PNKD: variants seen among roughly 807,000 people sequenced by gnomAD.
The protein encoded by PNKD is probable thioesterase PNKD.
A neutral mutation model predicts 45.3 loss-of-function variants in PNKD; 36 were observed. The observed-to-expected ratio is 0.80, with a 90% confidence interval of 0.61 to 1.05. PNKD has a LOEUF of 1.05. PNKD is among the 50% of genes least tolerant of loss of function. The pLI, the probability that PNKD is intolerant of heterozygous loss-of-function variation, is 0.00. For synonymous variants in PNKD, 197 were observed against 210.1 expected (o/e 0.94, Z 0.54); for missense variants, 511 against 506.6 (o/e 1.01, Z -0.08).
At chr2:218,343,932 C>T (rs990139597) in intron 8 of PNKD, among the ~76,000 whole-genome samples, 1 of 152,238 alleles carries the variant, frequency 6.6e-6, no homozygotes, top group African/African-American at 2.4e-5. Context: ...GTCAGTAAAT[C>T]CACTCTGCAT....
At chr2:218,307,944 A>ATT (rs1321876049) in intron 2 of PNKD, among the ~76,000 whole-genome samples, 1 of 152,162 alleles carries the variant, frequency 6.6e-6, no homozygotes, top group African/African-American at 2.4e-5. Context: ...ACAGCGCCAA[A>ATT]TTAGGATGGA....
chr2:218,293,779 G>T (rs112511271), intron 2 of PNKD, among the ~76,000 whole-genome samples: 1 of 148,854 alleles, frequency 6.7e-6, no homozygotes, highest in Non-Finnish European at 1.5e-5. Context: ...TGTTTTGTTT[G>T]GTTTGTTTGT....
chr2:218,284,564 T>C (rs1425568814), intron 2 of PNKD, among the ~76,000 whole-genome samples: 3 of 152,230 alleles, frequency 2.0e-5, no homozygotes, highest in African/African-American at 4.8e-5. Flanking sequence ...CCTGCCTCTC[T>C]TGCCCCTCCC....
chr2:218,306,422 G>T (rs1324769801), intron 2 of PNKD, among the ~76,000 whole-genome samples: 1 of 152,208 alleles, frequency 6.6e-6, no homozygotes, highest in African/African-American at 2.4e-5. Flanking sequence ...AGATGCTGAT[G>T]TTGCAAGAAT....
intron 2 of PNKD, chr2:218,323,258 T>A: frequency 2.7e-6 from 4 of 1,499,090 alleles, no homozygotes; most frequent in East Asian, 2.8e-5. Context: ...GGCGCGTGCC[T>A]GCCCCCAGCA....
chr2:218,331,220 G>A (rs1694307765), intron 2 of PNKD, among the ~76,000 whole-genome samples: 1 of 152,112 alleles, frequency 6.6e-6, no homozygotes, highest in Admixed American at 6.5e-5. Flanking sequence ...TTCAAGACCA[G>A]CCTGGCCAAC....
intron 2 of PNKD, chr2:218,279,510 G>A (rs1691640012): frequency 3.4e-6 from 2 of 580,174 alleles, no homozygotes; most frequent in East Asian, 3.0e-5. Flanking sequence ...CAGAGGCAAT[G>A]TGCACTTCTT....
chr2:218,323,135 G>A (rs1394766986), intron 2 of PNKD: 2 of 1,314,526 alleles, frequency 1.5e-6, no homozygotes, highest in African/African-American at 1.6e-5. Flanking sequence ...CCAAAGGAGA[G>A]GTCAATGGGC....
intron 2 of PNKD, among the ~76,000 whole-genome samples, chr2:218,287,494 G>A (rs974350095): frequency 1.3e-5 from 2 of 152,132 alleles, no homozygotes; most frequent in African/African-American, 2.4e-5. Context: ...TGGATCACGA[G>A]GTCAGGAGAT....
In PNKD at chr2:218,294,689, G is replaced by A. The variant is rs558608825; in HGVS notation, c.236+23140G>A. Among the ~76,000 whole-genome samples the A allele has an allele frequency of 4.6e-5, 7 of 152,274 alleles. No homozygotes were observed. The South Asian group carries it at 1.5e-3, about 32-fold the overall frequency. ...GACAGGGTCTCACTATGTTGCCCAC[G>A]CTGGTCTTGAACTCCTGGGCTCAAG... On this transcript the variant is annotated intron_variant, in intron 2 of 9. Coordinates refer to ENST00000273077, the MANE Select transcript of PNKD (RefSeq NM_015488.5).
chr2:218,318,284 T>A (rs1693871223), intron 2 of PNKD: 1 of 152,240 alleles, frequency 6.6e-6, no homozygotes, highest in Admixed American at 6.6e-5. Flanking sequence ...GTTATGAAGG[T>A]GTCTCTCCTA....
chr2:218,296,565 C>G (rs1693144733), intron 2 of PNKD, among the ~76,000 whole-genome samples: 1 of 152,180 alleles, frequency 6.6e-6, no homozygotes, highest in African/African-American at 2.4e-5. Flanking sequence ...AATTGGTCCT[C>G]CAAACCCTTC....
At chr2:218,280,103 C>T in intron 2 of PNKD, 1 of 1,613,962 alleles carries the variant, frequency 6.2e-7, no homozygotes, top group Non-Finnish European at 8.5e-7. Flanking sequence ...GCTCTCTCCT[C>T]CCCATCATAG....
chr2:218,294,489 C>T (rs979171024), intron 2 of PNKD, among the ~76,000 whole-genome samples: 1 of 152,192 alleles, frequency 6.6e-6, no homozygotes, highest in Admixed American at 6.5e-5. Context: ...ACACCGCCCC[C>T]CCACCAGCCT....
chr2:218,283,407 G>A (rs1425232364), intron 2 of PNKD, among the ~76,000 whole-genome samples: 4 of 152,190 alleles, frequency 2.6e-5, no homozygotes, highest in Admixed American at 2.6e-4. Flanking sequence ...CTGTCCTCTG[G>A]GCCTGGTGGT....
intron 2 of PNKD, among the ~76,000 whole-genome samples, chr2:218,305,637 C>G (rs911656055): frequency 7.9e-5 from 12 of 152,062 alleles, no homozygotes; most frequent in Non-Finnish European, 1.3e-4. Flanking sequence ...GGATTACATG[C>G]ATGAGCCACC....
chr2:218,294,457 T>A (rs1383758319), intron 2 of PNKD, among the ~76,000 whole-genome samples: 4 of 152,170 alleles, frequency 2.6e-5, no homozygotes, highest in African/African-American at 9.7e-5. Flanking sequence ...AGTCCTCATA[T>A]GGCCAAGGAA....
At chr2:218,282,098 G>C (rs1449070159) in intron 2 of PNKD, 2 of 1,563,502 alleles carry the variant, frequency 1.3e-6, no homozygotes, top group Admixed American at 1.9e-5. Flanking sequence ...TGGGTACAGG[G>C]GGTTGCGGTC....
intron 2 of PNKD, chr2:218,323,388 G>T: frequency 1.3e-6 from 2 of 1,577,844 alleles, no homozygotes; most frequent in Non-Finnish European, 1.7e-6. Context: ...GGGCCTCCGC[G>T]GTCTGCTCAT....
Sources: gnomAD v4.1 joint callset for allele counts (sites outside exome capture counted in the v4.1 genomes callset) on GRCh38, gnomAD v4.1.1 for gene constraint, MANE v1.5 for transcripts, NCBI Gene and HGNC (gene_info 2026-07-23, HGNC 2026-07-21) for gene names.